The following HDAC9 variants were observed in gnomAD, a reference collection of about 807,000 sequenced individuals.
HDAC9 encodes histone deacetylase 9.
In HDAC9, 41 loss-of-function variants were observed where a neutral mutation model predicts 139.4. The ratio of observed to expected loss-of-function variants is 0.29; its 90% confidence interval spans 0.23 to 0.38. HDAC9 has a LOEUF of 0.38. Ranked by LOEUF, HDAC9 falls within the 10% of genes least tolerant of loss-of-function variation. HDAC9 has a pLI of 1.00. For synonymous variants in HDAC9, 517 were observed against 476.2 expected, an observed-to-expected ratio of 1.09 and a Z score of -1.12; for missense variants, 1,147 against 1,297.0, an observed-to-expected ratio of 0.88 and a Z score of 1.78.
intron 24 of HDAC9, among the ~76,000 whole-genome samples, chr7:18,961,325 T>C (rs531994065): frequency 6.6e-4 from 100 of 152,288 alleles, no homozygotes; most frequent in Admixed American, 1.0e-3. Flanking sequence ...AGCTGTTTAA[T>C]TCAGAAGTAG....
chr7:18,168,887 T>TGTGTGTG (rs1464771470), intron 2 of HDAC9, among the ~76,000 whole-genome samples: 2 of 115,760 alleles, frequency 1.7e-5, no homozygotes, highest in African/African-American at 8.2e-5. Flanking sequence ...TTGTTTTTTT[T>TGTGTGTG]TTTTTTTTTT....
intron 2 of HDAC9, among the ~76,000 whole-genome samples, chr7:18,282,480 G>A (rs967944003): frequency 2.0e-5 from 3 of 152,114 alleles, no homozygotes; most frequent in South Asian, 2.1e-4. Context: ...AGAGTGATAC[G>A]TTGTGATTAT....
intron 13 of HDAC9, among the ~76,000 whole-genome samples, chr7:18,741,189 A>C (rs1032564737): frequency 1.3e-5 from 2 of 152,228 alleles, no homozygotes; most frequent in Non-Finnish European, 2.9e-5. Context: ...GTTGTAGATG[A>C]AAGAGCCTTT....
chr7:18,904,993 G>A (rs1802092069), intron 22 of HDAC9, among the ~76,000 whole-genome samples: 1 of 152,114 alleles, frequency 6.6e-6, no homozygotes, highest in African/African-American at 2.4e-5. Flanking sequence ...CCGCCTCCAG[G>A]GTTCAAGGGA....
At chr7:18,882,412 G>A (rs934257043) in intron 22 of HDAC9, among the ~76,000 whole-genome samples, 7 of 152,014 alleles carry the variant, frequency 4.6e-5, no homozygotes, top group Non-Finnish European at 7.4e-5. Flanking sequence ...GCAAAAGTGC[G>A]GAGACCCAGC....
chr7:18,103,459 A>G (rs1191174749), intron 1 of HDAC9, among the ~76,000 whole-genome samples: 1 of 152,162 alleles, frequency 6.6e-6, no homozygotes, highest in East Asian at 1.9e-4. Context: ...AGTACCCAAT[A>G]GGAGGTTTTT....
chr7:18,841,473 A>G (rs1347293519), intron 21 of HDAC9, among the ~76,000 whole-genome samples: 1 of 152,076 alleles, frequency 6.6e-6, no homozygotes, highest in Non-Finnish European at 1.5e-5. Flanking sequence ...AAAGCTTTTC[A>G]AGTCCTTGAG....
chr7:18,186,390 G>A (rs1331255617), intron 2 of HDAC9, among the ~76,000 whole-genome samples: 2 of 152,250 alleles, frequency 1.3e-5, no homozygotes, highest in Non-Finnish European at 1.5e-5. Flanking sequence ...TGCACTGCTG[G>A]TGTTGGCATG....
intron 1 of HDAC9, among the ~76,000 whole-genome samples, chr7:18,120,918 A>G (rs1016017812): frequency 6.6e-6 from 1 of 152,132 alleles, no homozygotes; most frequent in Non-Finnish European, 1.5e-5. Context: ...TAAGGATGAG[A>G]GTTTACTTCC....
chr7:18,332,265 T>G (rs1399270384), intron 1 of HDAC9, among the ~76,000 whole-genome samples: 2 of 151,540 alleles, frequency 1.3e-5, no homozygotes, highest in Non-Finnish European at 3.0e-5. Context: ...ACTGGTCTGT[T>G]TAGCCAGAGT....
intron 25 of HDAC9, among the ~76,000 whole-genome samples, chr7:18,984,014 C>A (rs1220305791): frequency 6.6e-6 from 1 of 152,010 alleles, no homozygotes; most frequent in Non-Finnish European, 1.5e-5. Context: ...ATTCACCGAC[C>A]ACTAACCCCC....
At chr7:18,673,682 A>T (rs1234433196) in intron 12 of HDAC9, among the ~76,000 whole-genome samples, 1 of 152,004 alleles carries the variant, frequency 6.6e-6, no homozygotes, top group African/African-American at 2.4e-5. Flanking sequence ...GATCGTCTTC[A>T]TCTCATTTTG....
At chr7:18,690,542 A>C (rs1414119579) in intron 12 of HDAC9, among the ~76,000 whole-genome samples, 1 of 151,924 alleles carries the variant, frequency 6.6e-6, no homozygotes, top group African/African-American at 2.4e-5. Context: ...TCTTTTCTGG[A>C]ATTAGAGCTC....
intron 22 of HDAC9, among the ~76,000 whole-genome samples, chr7:18,931,855 T>A (rs2129306039): frequency 6.6e-6 from 1 of 152,182 alleles, no homozygotes; most frequent in Admixed American, 6.5e-5. Context: ...AGAGGGAGGA[T>A]GAATAGGTAA....
rs1472733136 is a variant in HDAC9 at position 18,999,395 on chromosome 7, G to A, written c.*3333G>A. On this transcript the variant is annotated 3_prime_UTR_variant, in exon 26 of 26. Transcript: ENST00000686413. ...GTTTCTTTACAGACTCCATATGGAA[G>A]TAAAATAGAATGATCATTTGGAAAG... The A allele has an allele frequency of 1.3e-5, 2 of 152,176 alleles. No homozygotes were observed. The highest frequency in any genetic ancestry group is 4.8e-5 in the African/African-American group (2 of 41,446). The allele number at this position is 152,176 out of a possible 1,614,324, so 9.4% of individuals were successfully genotyped here.
At chr7:18,512,089 A>G (rs187774340) in intron 2 of HDAC9, among the ~76,000 whole-genome samples, 71 of 152,184 alleles carry the variant, frequency 4.7e-4, no homozygotes, top group South Asian at 2.1e-4. Context: ...TACTTCCAGC[A>G]TAGAAACTCT....
At chr7:18,273,630 A>G (rs1251730077) in intron 2 of HDAC9, among the ~76,000 whole-genome samples, 1 of 152,188 alleles carries the variant, frequency 6.6e-6, no homozygotes, top group Non-Finnish European at 1.5e-5. Context: ...TATTTGTGTG[A>G]TATAGGGAAG....
chr7:18,567,600 A>G (rs1026949056), intron 2 of HDAC9, among the ~76,000 whole-genome samples: 4 of 152,210 alleles, frequency 2.6e-5, no homozygotes, highest in African/African-American at 4.8e-5. Flanking sequence ...GCTAAGCTCT[A>G]TGATTAGCAA....
At chr7:18,493,888 A>C (rs1796547668), upstream of HDAC9, among the ~76,000 whole-genome samples, 1 of 151,926 alleles carries the variant, frequency 6.6e-6, no homozygotes. Flanking sequence ...AACTTAGGCA[A>C]CTCGCAGGTA....
Sources: allele counts gnomAD v4.1 joint callset (sites outside exome capture counted in the v4.1 genomes callset), GRCh38; gene constraint gnomAD v4.1.1; transcripts MANE v1.5; gene names NCBI Gene and HGNC (gene_info 2026-07-23, HGNC 2026-07-21).